Variants in PTPRD observed in about 807,000 individuals in gnomAD.
The protein encoded by PTPRD is receptor-type tyrosine-protein phosphatase delta.
PTPRD carries 34 observed loss-of-function variants against 214.5 expected under a neutral mutation model. The ratio of observed to expected loss-of-function variants is 0.16; its 90% CI spans 0.12 to 0.21. The LOEUF is 0.21. Among genes scored for constraint, PTPRD ranks in the 10% least tolerant of loss-of-function variants. The probability of loss-of-function intolerance (pLI) is 1.00; values close to 1 mark genes in which losing one functional copy is unlikely to be tolerated. For missense variants in PTPRD, 2,545 were observed against 2,398.7 expected, an observed-to-expected ratio of 1.06 and a Z score of -1.27; for synonymous variants, 1,128 against 845.7, an observed-to-expected ratio of 1.33 and a Z score of -5.79.
At chr9:9,408,466 G>C (rs1185895171) in intron 8 of PTPRD, among the ~76,000 whole-genome samples, 1 of 151,726 alleles carries the variant, frequency 6.6e-6, no homozygotes, top group Non-Finnish European at 1.5e-5. Context: ...TGCATTACTT[G>C]TTTGTTCAGA....
chr9:8,643,053 T>G (rs1251278310), intron 12 of PTPRD, among the ~76,000 whole-genome samples: 1 of 152,196 alleles, frequency 6.6e-6, no homozygotes, highest in Non-Finnish European at 1.5e-5. Flanking sequence ...GGGTCACCTG[T>G]TGACATCTGT....
intron 11 of PTPRD, among the ~76,000 whole-genome samples, chr9:8,996,270 A>C (rs952260900): frequency 1.5e-4 from 23 of 152,208 alleles, no homozygotes; most frequent in African/African-American, 5.5e-4. Flanking sequence ...CATACCTGGA[A>C]TGCTTTTCAG....
At chr9:8,534,650 C>G (rs987791188) in intron 14 of PTPRD, among the ~76,000 whole-genome samples, 7 of 151,808 alleles carry the variant, frequency 4.6e-5, no homozygotes, top group African/African-American at 7.3e-5. Flanking sequence ...CACACACACA[C>G]ACACACTAGG....
chr9:8,700,443 T>C (rs970017426), intron 12 of PTPRD, among the ~76,000 whole-genome samples: 4 of 152,230 alleles, frequency 2.6e-5, no homozygotes, highest in African/African-American at 4.8e-5. Context: ...CTACAAAAAG[T>C]GTTATTCAAT....
chr9:9,547,348 T>C (rs960720006), intron 8 of PTPRD, among the ~76,000 whole-genome samples: 14 of 152,100 alleles, frequency 9.2e-5, no homozygotes, highest in African/African-American at 2.9e-4. Flanking sequence ...TAAACATCTT[T>C]TTCTTTTGGA....
chr9:9,637,162 C>A (rs542982213), intron 7 of PTPRD, among the ~76,000 whole-genome samples: 1 of 152,232 alleles, frequency 6.6e-6, no homozygotes, highest in Admixed American at 6.5e-5. Context: ...GAGATCATAG[C>A]ACTCCACCCC....
chr9:8,884,533 G>A (rs1195582236), intron 11 of PTPRD, among the ~76,000 whole-genome samples: 1 of 152,212 alleles, frequency 6.6e-6, no homozygotes, highest in South Asian at 2.1e-4. Context: ...CCTCAACATA[G>A]CAGAAGAGCA....
intron 13 of PTPRD, among the ~76,000 whole-genome samples, chr9:8,635,925 CA>C (rs935121711): frequency 3.4e-4 from 51 of 152,156 alleles, no homozygotes; most frequent in Non-Finnish European, 4.9e-4. Context: ...CACAAACACT[CA>C]AAAAAAGAAT....
intron 5 of PTPRD, among the ~76,000 whole-genome samples, chr9:9,834,069 T>C (rs978909908): frequency 1.8e-4 from 27 of 152,178 alleles, no homozygotes; most frequent in African/African-American, 6.0e-4. Context: ...TAAGTGTCCA[T>C]GAAATCTTTA....
At chr9:8,965,575 C>T (rs1007451521) in intron 11 of PTPRD, among the ~76,000 whole-genome samples, 4 of 152,000 alleles carry the variant, frequency 2.6e-5, no homozygotes, top group African/African-American at 9.7e-5. Flanking sequence ...GAATCCTTTA[C>T]CATTATGTAA....
chr9:10,305,107 T>C (rs889951446), intron 3 of PTPRD, among the ~76,000 whole-genome samples: 2 of 152,030 alleles, frequency 1.3e-5, no homozygotes, highest in Admixed American at 6.6e-5. Flanking sequence ...ACCACACATC[T>C]ACAACCATCT....
At chr9:8,408,695 C>T (rs955644718) in intron 35 of PTPRD, among the ~76,000 whole-genome samples, 9 of 152,220 alleles carry the variant, frequency 5.9e-5, no homozygotes, top group Non-Finnish European at 1.2e-4. Flanking sequence ...CCCCATATAG[C>T]GTCTAAAGTT....
chr9:9,811,024 G>T (rs910279384), intron 5 of PTPRD, among the ~76,000 whole-genome samples: 4 of 151,998 alleles, frequency 2.6e-5, no homozygotes, highest in African/African-American at 9.7e-5. Context: ...AATCACTTGA[G>T]GTCAGGAGTT....
intron 3 of PTPRD, among the ~76,000 whole-genome samples, chr9:10,138,643 C>T (rs770674216): frequency 6.6e-6 from 1 of 151,898 alleles, no homozygotes. Flanking sequence ...ATAGACAAAA[C>T]AATCCTTGAC....
At chr9:8,884,689 G>C (rs2098472391) in intron 11 of PTPRD, among the ~76,000 whole-genome samples, 1 of 152,202 alleles carries the variant, frequency 6.6e-6, no homozygotes, top group Non-Finnish European at 1.5e-5. Flanking sequence ...TAGGCAAATT[G>C]AAATCCACAA....
chr9:10,492,903 G>C, intron 2 of PTPRD, among the ~76,000 whole-genome samples: 1 of 152,010 alleles, frequency 6.6e-6, no homozygotes, highest in East Asian at 1.9e-4. Context: ...CTTAAGCAAG[G>C]TCTCAGGATA....
At chr9:10,490,775 TTTTGG>T (rs1255379040) in intron 2 of PTPRD, among the ~76,000 whole-genome samples, 2 of 152,202 alleles carry the variant, frequency 1.3e-5, no homozygotes, top group Non-Finnish European at 2.9e-5. Flanking sequence ...CAGGCAAATA[TTTTGG>T]TACTTGGCTT....
intron 7 of PTPRD, among the ~76,000 whole-genome samples, chr9:9,726,483 A>G (rs563619446): frequency 4.6e-5 from 7 of 152,222 alleles, no homozygotes; most frequent in African/African-American, 1.7e-4. Flanking sequence ...ACCACTTACC[A>G]TTGTTCAGTG....
intron 8 of PTPRD, among the ~76,000 whole-genome samples, chr9:9,482,524 G>T (rs896929045): frequency 3.3e-5 from 5 of 152,098 alleles, no homozygotes; most frequent in African/African-American, 9.7e-5. Context: ...GAGAAGAGGG[G>T]AGTCTGGCAC....
Sources: allele counts gnomAD v4.1 joint callset (sites outside exome capture counted in the v4.1 genomes callset), GRCh38; gene constraint gnomAD v4.1.1; transcripts MANE v1.5; gene names NCBI Gene and HGNC (gene_info 2026-07-23, HGNC 2026-07-21).